The following NSRP1 variants were observed in gnomAD, a reference collection of about 807,000 sequenced individuals.
The protein encoded by NSRP1 is coiled-coil domain containing 55.
Under a neutral mutation model 54.7 loss-of-function variants are expected in NSRP1, and 24 were observed. The ratio of observed to expected loss-of-function variants is 0.44; its 90% CI spans 0.32 to 0.62. NSRP1 has a LOEUF of 0.62. NSRP1 is among the 20% of genes least tolerant of loss of function. The pLI, the probability that NSRP1 is intolerant of heterozygous loss-of-function variation, is 0.06. For missense variants in NSRP1, 596 were observed against 651.2 expected (o/e 0.92, Z 0.92); for synonymous variants, 210 against 213.8 (o/e 0.98, Z 0.15).
At chr17:30,122,348 GTTTCATATATATA>G (rs1435706435) in intron 2 of NSRP1, 10 of 42,870 alleles carry the variant, frequency 2.3e-4, no homozygotes, top group African/African-American at 8.2e-4. Context: ...GATAACTCTG[GTTTCATATATATA>G]TATATATATA....
intron 2 of NSRP1, chr17:30,144,257 A>T (rs1288720953): frequency 5.5e-4 from 80 of 146,060 alleles, no homozygotes; most frequent in East Asian, 2.7e-3. Flanking sequence ...TATTATTATT[A>T]TTATTATTAT....
intron 1 of NSRP1, 168 bp downstream of exon 1, chr17:30,117,031 A>C: frequency 2.2e-6 from 2 of 912,586 alleles, no homozygotes; most frequent in Non-Finnish European, 3.6e-6. Context: ...TCCCCCGTAC[A>C]TTTTCCCGGA....
At chr17:30,180,057 G>A (rs938062428) in intron 5 of NSRP1, among the ~76,000 whole-genome samples, 1 of 152,068 alleles carries the variant, frequency 6.6e-6, no homozygotes, top group African/African-American at 2.4e-5. Context: ...GGCTGGTCTC[G>A]AACTCCTGGG....
intron 2 of NSRP1, among the ~76,000 whole-genome samples, chr17:30,139,308 T>C (rs879677192): frequency 1.3e-5 from 2 of 152,140 alleles, no homozygotes; most frequent in Non-Finnish European, 2.9e-5. Context: ...GATATGCATA[T>C]ATTTTCTCCT....
intron 2 of NSRP1, among the ~76,000 whole-genome samples, chr17:30,172,250 A>G (rs1288926112): frequency 6.6e-6 from 1 of 152,198 alleles, no homozygotes; most frequent in Non-Finnish European, 1.5e-5. Flanking sequence ...AACTATAAGT[A>G]AGGCACCATT....
intron 2 of NSRP1, among the ~76,000 whole-genome samples, chr17:30,137,962 T>A (rs762945113): frequency 1.3e-5 from 2 of 152,200 alleles, no homozygotes; most frequent in Non-Finnish European, 2.9e-5. Context: ...TTTGAGAACT[T>A]TTTTATCTTC....
intron 2 of NSRP1, chr17:30,168,337 T>C (rs1387869246): frequency 6.6e-6 from 1 of 152,054 alleles, no homozygotes; most frequent in Non-Finnish European, 1.5e-5. Flanking sequence ...TAGATTAATA[T>C]ATTTCCTTTC....
intron 2 of NSRP1, chr17:30,144,180 C>A (rs2071831090): frequency 1.3e-5 from 2 of 151,642 alleles, no homozygotes; most frequent in Non-Finnish European, 2.9e-5. Context: ...CTTCTCCCAC[C>A]TTTTGCTGTG....
intron 2 of NSRP1, among the ~76,000 whole-genome samples, chr17:30,158,424 C>T (rs1904392477): frequency 6.6e-6 from 1 of 150,580 alleles, no homozygotes; most frequent in South Asian, 2.1e-4. Context: ...GTTGTCTCTT[C>T]TGCTGAGGGT....
chr17:30,176,004 C>G (rs924130525), intron 3 of NSRP1, among the ~76,000 whole-genome samples: 1 of 151,122 alleles, frequency 6.6e-6, no homozygotes, highest in African/African-American at 2.4e-5. Context: ...CTCCGAACCC[C>G]CCCCCCAAAA....
intron 2 of NSRP1, among the ~76,000 whole-genome samples, chr17:30,167,320 A>G (rs560391364): frequency 2.0e-5 from 3 of 152,180 alleles, no homozygotes; most frequent in Non-Finnish European, 2.9e-5. Context: ...CTTTAAAAAC[A>G]TAAGATCTGG....
At chr17:30,137,051 T>G (rs190540837) in intron 2 of NSRP1, among the ~76,000 whole-genome samples, 45 of 152,310 alleles carry the variant, frequency 3.0e-4, no homozygotes, top group Middle Eastern at 6.8e-3. Context: ...TCTGGTCTAA[T>G]TGCATTGAGT....
intron 2 of NSRP1, among the ~76,000 whole-genome samples, chr17:30,145,651 T>C (rs904526720): frequency 6.6e-6 from 1 of 152,170 alleles, no homozygotes; most frequent in African/African-American, 2.4e-5. Flanking sequence ...ACATTTTCAT[T>C]GGTGGCCACT....
chr17:30,130,887 G>A (rs926898128), intron 2 of NSRP1, among the ~76,000 whole-genome samples: 5 of 152,046 alleles, frequency 3.3e-5, no homozygotes, highest in Non-Finnish European at 7.4e-5. Flanking sequence ...TCATATCATC[G>A]TCATGCATTT....
chr17:30,172,601 A>G lies in NSRP1; in HGVS notation c.171+3A>G. Reference sequence around the variant, plus strand: ...CTAAGAAGCAGGCCATGAAACAGGTAAGGTAGAAGACTGGGATAAGTGCAT... The same window carrying G: ...CTAAGAAGCAGGCCATGAAACAGGTGAGGTAGAAGACTGGGATAAGTGCAT... On this transcript the variant is annotated splice_donor_region_variant and intron_variant, in intron 3 of 6. Transcript: ENST00000247026. 1 of 1,609,608 alleles carries G rather than the reference A, an allele frequency of 6.2e-7. No homozygotes were observed. The highest frequency in any genetic ancestry group is 8.5e-7 in the Non-Finnish European group (1 of 1,177,290).
chr17:30,172,014 T>TCTCTCTCA (rs144705088), intron 2 of NSRP1, among the ~76,000 whole-genome samples: 45 of 131,164 alleles, frequency 3.4e-4, no homozygotes, highest in South Asian at 5.3e-4. Flanking sequence ...TCTCTCTCTC[T>TCTCTCTCA]CACATGTTCA....
intron 2 of NSRP1, among the ~76,000 whole-genome samples, chr17:30,161,417 T>A (rs1311746014): frequency 2.0e-5 from 3 of 152,230 alleles, no homozygotes; most frequent in Non-Finnish European, 4.4e-5. Context: ...ATATACTGTT[T>A]TAATTTATGT....
At chr17:30,167,319 CATA>C (rs1281062252) in intron 2 of NSRP1, among the ~76,000 whole-genome samples, 1 of 152,024 alleles carries the variant, frequency 6.6e-6, no homozygotes, top group Non-Finnish European at 1.5e-5. Context: ...CCTTTAAAAA[CATA>C]AGATCTGGCC....
intron 2 of NSRP1, among the ~76,000 whole-genome samples, chr17:30,162,143 G>A (rs1217170817): frequency 7.3e-5 from 11 of 151,608 alleles, no homozygotes; most frequent in Non-Finnish European, 1.5e-4. Flanking sequence ...TCCTGCCTCA[G>A]CCTCCCAAGT....
Sources: gnomAD v4.1 joint callset for allele counts (sites outside exome capture counted in the v4.1 genomes callset) on GRCh38, gnomAD v4.1.1 for gene constraint, MANE v1.5 for transcripts, NCBI Gene and HGNC (gene_info 2026-07-23, HGNC 2026-07-21) for gene names.